MARCHF1: variants seen among roughly 807,000 people sequenced by gnomAD.
MARCHF1 encodes the protein E3 ubiquitin-protein ligase MARCHF1.
Under a neutral mutation model 54.2 loss-of-function variants are expected in MARCHF1, and 40 were observed. The ratio of observed to expected loss-of-function variants is 0.74; its 90% CI spans 0.57 to 0.96. The LOEUF (loss-of-function observed/expected upper bound fraction) is 0.96, where lower values mean the gene tolerates loss of function less well. Ranked by LOEUF, MARCHF1 falls within the 40% of genes least tolerant of loss-of-function variation. MARCHF1 has a pLI of 0.00. For synonymous variants in MARCHF1, 236 were observed against 236.3 expected, an observed-to-expected ratio of 1.00 and a Z score of 0.01; for missense variants, 586 against 656.5, an observed-to-expected ratio of 0.89 and a Z score of 1.17.
intron 3 of MARCHF1, among the ~76,000 whole-genome samples, chr4:163,946,466 T>C (rs1398948977): frequency 1.3e-5 from 2 of 152,202 alleles, no homozygotes; most frequent in East Asian, 1.9e-4. Context: ...TGGTCTATTG[T>C]ATTTTTGCAC....
At chr4:163,633,851 G>C (rs543663181) in intron 5 of MARCHF1, among the ~76,000 whole-genome samples, 2 of 152,176 alleles carry the variant, frequency 1.3e-5, no homozygotes, top group Non-Finnish European at 2.9e-5. Context: ...AGAGAGAAAG[G>C]TCGGGTTACC....
intron 2 of MARCHF1, among the ~76,000 whole-genome samples, chr4:163,993,265 G>A (rs955040524): frequency 1.3e-5 from 2 of 152,040 alleles, no homozygotes; most frequent in South Asian, 2.1e-4. Context: ...ATGTAATAAA[G>A]CATTTCTAAA....
intron 4 of MARCHF1, among the ~76,000 whole-genome samples, chr4:163,805,840 C>T (rs1748211769): frequency 6.6e-6 from 1 of 152,166 alleles, no homozygotes; most frequent in Non-Finnish European, 1.5e-5. Flanking sequence ...GCTGCAGAAT[C>T]CCCTCTTCTC....
At chr4:164,350,670 C>T (rs1385449345) in intron 1 of MARCHF1, among the ~76,000 whole-genome samples, 2 of 152,166 alleles carry the variant, frequency 1.3e-5, no homozygotes, top group Non-Finnish European at 2.9e-5. Flanking sequence ...ACAATGTGTG[C>T]CAATCTAGCC....
intron 1 of MARCHF1, among the ~76,000 whole-genome samples, chr4:164,330,645 C>T (rs1045367107): frequency 6.6e-5 from 10 of 152,196 alleles, no homozygotes; most frequent in Non-Finnish European, 1.2e-4. Context: ...AAGAACATGC[C>T]GAGGAACATG....
At chr4:163,682,985 A>G (rs1744154310) in intron 5 of MARCHF1, among the ~76,000 whole-genome samples, 1 of 152,228 alleles carries the variant, frequency 6.6e-6, no homozygotes, top group Admixed American at 6.5e-5. Flanking sequence ...TGGCATTAAA[A>G]TGTATTGTTG....
intron 3 of MARCHF1, among the ~76,000 whole-genome samples, chr4:163,872,663 T>C (rs1185184290): frequency 1.3e-5 from 2 of 152,132 alleles, no homozygotes; most frequent in South Asian, 2.1e-4. Context: ...GTCAGAATAC[T>C]AGTGTATGTG....
chr4:163,965,460 G>A (rs1752423663), intron 3 of MARCHF1, among the ~76,000 whole-genome samples: 1 of 151,956 alleles, frequency 6.6e-6, no homozygotes, highest in African/African-American at 2.4e-5. Context: ...CAGAGAATAA[G>A]TGTACCAATG....
intron 8 of MARCHF1, among the ~76,000 whole-genome samples, chr4:163,576,292 T>C (rs1199694217): frequency 3.3e-5 from 5 of 152,170 alleles, no homozygotes; most frequent in Admixed American, 3.3e-4. Context: ...AATGTAATTG[T>C]TTACTCAAAA....
chr4:163,534,044 T>A (rs1335407063), intron 9 of MARCHF1, among the ~76,000 whole-genome samples: 2 of 152,040 alleles, frequency 1.3e-5, no homozygotes, highest in African/African-American at 4.8e-5. Flanking sequence ...TCTGGGTAGC[T>A]GTTTTCCAAA....
chr4:164,000,462 G>A (rs4056323), intron 2 of MARCHF1, among the ~76,000 whole-genome samples: 148,103 of 151,620 alleles, frequency 0.98, 72,433 homozygotes, highest in East Asian at 1. Context: ...ATATTCAGTA[G>A]ATTCAAATAT....
At chr4:164,100,717 G>C (rs1273519965) in intron 2 of MARCHF1, among the ~76,000 whole-genome samples, 4 of 152,186 alleles carry the variant, frequency 2.6e-5, no homozygotes, top group Non-Finnish European at 4.4e-5. Flanking sequence ...GGAGATAGTT[G>C]ATAGTCAAGA....
At chr4:164,081,258 A>C (rs76888485) in intron 2 of MARCHF1, among the ~76,000 whole-genome samples, 6,674 of 146,170 alleles carry the variant, frequency 0.046, 537 homozygotes, top group African/African-American at 0.16. Flanking sequence ...TTGCATATTA[A>C]ATTGCCAAAT....
intron 3 of MARCHF1, among the ~76,000 whole-genome samples, chr4:163,920,509 G>C (rs1193931567): frequency 1.3e-5 from 2 of 152,168 alleles, no homozygotes; most frequent in Non-Finnish European, 2.9e-5. Flanking sequence ...GCCTTTGCCA[G>C]TTTCTGAAGA....
At chr4:163,843,678 A>G (rs1749403969) in intron 4 of MARCHF1, among the ~76,000 whole-genome samples, 1 of 151,858 alleles carries the variant, frequency 6.6e-6, no homozygotes, top group Admixed American at 6.6e-5. Context: ...TCCTTTCCCT[A>G]ATTCTCTCCC....
At chr4:164,057,190 C>A (rs1754511947) in intron 2 of MARCHF1, among the ~76,000 whole-genome samples, 1 of 152,184 alleles carries the variant, frequency 6.6e-6, no homozygotes, top group African/African-American at 2.4e-5. Context: ...AATAATGTAG[C>A]TGGTCTTGCT....
chr4:164,359,395 C>CAATA (rs2110919612), intron 1 of MARCHF1, among the ~76,000 whole-genome samples: 1 of 152,256 alleles, frequency 6.6e-6, no homozygotes, highest in South Asian at 2.1e-4. Context: ...CATCAAGCTA[C>CAATA]TATTTCTGCT....
intron 8 of MARCHF1, among the ~76,000 whole-genome samples, chr4:163,579,866 A>C (rs1230850489): frequency 6.6e-6 from 1 of 152,166 alleles, no homozygotes; most frequent in African/African-American, 2.4e-5. Flanking sequence ...GAAGACATCA[A>C]AACTTCATTG....
intron 1 of MARCHF1, among the ~76,000 whole-genome samples, chr4:164,176,078 G>T (rs1279916522): frequency 6.6e-6 from 1 of 152,080 alleles, no homozygotes; most frequent in Non-Finnish European, 1.5e-5. Flanking sequence ...AAGAAATAAA[G>T]AAATAAACTC....
Sources: gnomAD v4.1 joint callset for allele counts (sites outside exome capture counted in the v4.1 genomes callset) on GRCh38, gnomAD v4.1.1 for gene constraint, MANE v1.5 for transcripts, NCBI Gene and HGNC (gene_info 2026-07-23, HGNC 2026-07-21) for gene names.